Variants in ENPP3 observed in about 807,000 individuals in gnomAD.
ENPP3 encodes ectonucleotide pyrophosphatase/phosphodiesterase 3, also known as ectonucleotide pyrophosphatase/phosphodiesterase family member 3.
A neutral mutation model predicts 117.8 loss-of-function variants in ENPP3; 104 were observed. The observed-to-expected ratio is 0.88, with a 90% CI of 0.75 to 1.04. The LOEUF (loss-of-function observed/expected upper bound fraction) is 1.04, where lower values mean the gene tolerates loss of function less well. ENPP3 is among the 50% of genes least tolerant of loss of function. ENPP3 has a pLI of 0.00. For synonymous variants in ENPP3, 380 were observed against 349.9 expected (o/e 1.09, Z -0.96); for missense variants, 1,026 against 1,051.9 (o/e 0.98, Z 0.34).
At chr6:131,643,814 T>C (rs1428188917) in intron 2 of ENPP3, among the ~76,000 whole-genome samples, 2 of 152,166 alleles carry the variant, frequency 1.3e-5, no homozygotes, top group African/African-American at 4.8e-5. Flanking sequence ...CAGGAGTTTA[T>C]ATTTTAGCAT....
chr6:131,667,564 T>C (rs1198398590), intron 6 of ENPP3, among the ~76,000 whole-genome samples: 1 of 152,160 alleles, frequency 6.6e-6, no homozygotes, highest in Admixed American at 6.5e-5. Context: ...CCTGGAAAAA[T>C]TGGAGTGTTA....
chr6:131,669,624 C>G (rs991723062), intron 6 of ENPP3, among the ~76,000 whole-genome samples: 11 of 128,398 alleles, frequency 8.6e-5, no homozygotes, highest in African/African-American at 3.2e-4. Context: ...CCACTGCACT[C>G]TAGCCTGGGT....
At chr6:131,738,590 A>G (rs1161941191) in intron 23 of ENPP3, among the ~76,000 whole-genome samples, 1 of 152,008 alleles carries the variant, frequency 6.6e-6, no homozygotes, top group East Asian at 1.9e-4. Flanking sequence ...TTACAAGAAT[A>G]GTGAACAGTT....
intron 2 of ENPP3, among the ~76,000 whole-genome samples, chr6:131,646,425 G>A (rs1437290773): frequency 1.3e-5 from 2 of 151,970 alleles, no homozygotes; most frequent in African/African-American, 4.8e-5. Context: ...ATCCTCAAAT[G>A]TCTGGGGACC....
chr6:131,691,869 TAAGA>T (rs1779288982), intron 14 of ENPP3, among the ~76,000 whole-genome samples: 1 of 152,044 alleles, frequency 6.6e-6, no homozygotes, highest in African/African-American at 2.4e-5. Flanking sequence ...AATATTGGCT[TAAGA>T]AAGAAGTAAT....
chr6:131,652,555 G>A lies in ENPP3; in HGVS notation c.291G>A (p.Met97Ile). The A allele has an allele frequency of 1.2e-6, 2 of 1,614,030 alleles. No individual in the cohort carries two copies. The highest frequency in any genetic ancestry group is 1.3e-5 in the African/African-American group (1 of 75,056). The change falls in exon 4 of 25, where the codon ATG becomes ATA. Residue 97 changes from methionine (M) to isoleucine (I), a missense_variant. Transcript: ENST00000357639. ...DTCVESTRIW[M>I]CNKFRCGETR... ...ATCGTTTTACAGCTCGAATATGGAT[G>A]TGCAATAAATTTCGTTGTGGAGAGA... is the stretch of plus-strand genomic sequence containing the variant.
Position 131,724,108 on chromosome 6 carries a change from C to G in ENPP3, c.1798+17C>G. 6.3e-7 allele frequency: 1 copy of G among 1,578,354 alleles called. No homozygotes were observed. Among genetic ancestry groups the G allele is most frequent in the Non-Finnish European group, 8.7e-7 (1 of 1,149,296 alleles). ...AAGAAGAAAGTAAGTCAATAGAAAA[C>G]ATGTTAAGTCTTTGATATTTAGACC... On this transcript the variant is annotated intron_variant, in intron 19 of 24. Transcript: ENST00000357639.
chr6:131,645,153 T>G (rs1156775745), intron 2 of ENPP3, among the ~76,000 whole-genome samples: 1 of 152,244 alleles, frequency 6.6e-6, no homozygotes, highest in Non-Finnish European at 1.5e-5. Flanking sequence ...TGGCTTTAGT[T>G]CCTCACAATC....
At chr6:131,681,080 A>G (rs764481607) in intron 11 of ENPP3, among the ~76,000 whole-genome samples, 1 of 152,174 alleles carries the variant, frequency 6.6e-6, no homozygotes, top group Non-Finnish European at 1.5e-5. Flanking sequence ...ACTATGTAAA[A>G]GGAACGTTAT....
At chr6:131,694,860 A>T (rs1779369645) in intron 15 of ENPP3, among the ~76,000 whole-genome samples, 1 of 118,984 alleles carries the variant, frequency 8.4e-6, no homozygotes, top group Non-Finnish European at 1.8e-5. Flanking sequence ...AAAAAAAGGA[A>T]AGAAAGGAAA....
intron 23 of ENPP3, among the ~76,000 whole-genome samples, chr6:131,739,593 C>CTTT (rs71270397): frequency 6.9e-4 from 60 of 87,446 alleles, no homozygotes; most frequent in South Asian, 1.8e-3. Context: ...TCATGCTCTG[C>CTTT]TTTTTTTTTT....
intron 8 of ENPP3, 61 bp from the exon 9 acceptor site, chr6:131,675,019 A>G: frequency 2.1e-6 from 2 of 937,380 alleles, no homozygotes; most frequent in Non-Finnish European, 3.5e-6. Flanking sequence ...GTTTCTAGTA[A>G]GGTACACCAT....
intron 19 of ENPP3, among the ~76,000 whole-genome samples, chr6:131,724,946 C>T (rs1780121377): frequency 6.6e-6 from 1 of 151,530 alleles, no homozygotes. Context: ...TGGTGGCTCA[C>T]ACCTGTAATC....
rs377433029 is a variant in ENPP3, at chr6:131,675,157, C to T, written c.840C>T (p.Gly280=). Residue 280 remains glycine, a synonymous_variant, in exon 9 of 25, where the codon GGC becomes GGT. Coordinates refer to ENST00000357639, the MANE Select transcript of ENPP3 (RefSeq NM_005021.5). ...FWPGSEVAIN[G]SFPSIYMPYN... is the part of the protein sequence containing the mutation. ...CCGGATCAGAAGTGGCTATAAATGG[C>T]TCCTTTCCTTCCATATACATGCCTT... The T allele has an allele frequency of 1.2e-6, 2 of 1,612,152 alleles. No individual in the cohort carries two copies. The highest frequency in any genetic ancestry group is 2.7e-5 in the African/African-American group (2 of 74,852).
rs200619080 is a variant in ENPP3 at position 131,652,496 on chromosome 6, A to G, written c.278-46A>G. 680 of 1,589,994 alleles carry G rather than the reference A, an allele frequency of 4.3e-4. 1 individual carries two copies. Among genetic ancestry groups the G allele is most frequent in the African/African-American group, 1.1e-3 (84 of 74,400 alleles). ...TAAATAAATGAAATTTGTATATTTTATACTGCAGGCTTAAATGCTCAGAAC... is the reference window on the plus strand; with the variant it reads ...TAAATAAATGAAATTTGTATATTTTGTACTGCAGGCTTAAATGCTCAGAAC... On this transcript the variant is annotated intron_variant, in intron 3 of 24. Transcript: ENST00000357639.
At chr6:131,649,995 A>C in intron 2 of ENPP3, 32 bp from the exon 3 acceptor site, 1 of 1,613,260 alleles carries the variant, frequency 6.2e-7, no homozygotes, top group Non-Finnish European at 8.5e-7. Flanking sequence ...ATAGCTCCTA[A>C]ATGTTCGGGC....
chr6:131,735,476 C>A (rs560697669), intron 21 of ENPP3, among the ~76,000 whole-genome samples: 1 of 152,060 alleles, frequency 6.6e-6, no homozygotes, highest in South Asian at 2.1e-4. Flanking sequence ...ATTAGTTACC[C>A]AGGCAGGATG....
chr6:131,691,404 C>T (rs1779275431), intron 14 of ENPP3, among the ~76,000 whole-genome samples: 2 of 151,948 alleles, frequency 1.3e-5, no homozygotes, highest in South Asian at 2.1e-4. Context: ...GCCTGACCAA[C>T]ATGGTGAAAT....
At chr6:131,693,986 C>T (rs997469703) in intron 15 of ENPP3, among the ~76,000 whole-genome samples, 1 of 152,172 alleles carries the variant, frequency 6.6e-6, no homozygotes, top group Admixed American at 6.5e-5. Context: ...CTCTTTAAGA[C>T]CTTTGTCATC....
Sources: gnomAD v4.1 joint callset for allele counts (sites outside exome capture counted in the v4.1 genomes callset) on GRCh38, gnomAD v4.1.1 for gene constraint, MANE v1.5 for transcripts, NCBI Gene and HGNC (gene_info 2026-07-23, HGNC 2026-07-21) for gene names.